The following DOCK5 variants were observed in gnomAD, a reference collection of about 807,000 sequenced individuals.
The protein encoded by DOCK5 is dedicator of cytokinesis protein 5.
A neutral mutation model predicts 251.8 loss-of-function variants in DOCK5; 142 were observed. The ratio of observed to expected loss-of-function variants is 0.56; its 90% CI spans 0.49 to 0.65. The LOEUF (loss-of-function observed/expected upper bound fraction) is 0.65, where lower values mean the gene tolerates loss of function less well. Among genes scored for constraint, DOCK5 ranks in the 30% least tolerant of loss-of-function variants. The pLI, the probability that DOCK5 is intolerant of heterozygous loss-of-function variation, is 0.00. For missense variants in DOCK5, 2,111 were observed against 2,312.3 expected, an observed-to-expected ratio of 0.91 and a Z score of 1.79; for synonymous variants, 842 against 835.5, an observed-to-expected ratio of 1.01 and a Z score of -0.13.
Position 25,215,373 on chromosome 8 carries a change from A to G in DOCK5, c.44-28301A>G, listed in dbSNP as rs534844876. ...GGATGTCTTTTCTCCTCTGTCCTGG[A>G]TCTGTAGAGGCTGGGGAGAGAGAGA... On this transcript the variant is annotated intron_variant, in intron 1 of 51. Transcript: ENST00000276440. 2.0e-5 allele frequency among the ~76,000 whole-genome samples: 3 copies of G among 152,068 alleles called. No homozygotes were observed. In the East Asian group the frequency reaches 5.8e-4, roughly 29 times the overall value.
intron 1 of DOCK5, among the ~76,000 whole-genome samples, chr8:25,220,318 C>T (rs1053306239): frequency 2.0e-5 from 3 of 152,066 alleles, no homozygotes; most frequent in Non-Finnish European, 4.4e-5. Flanking sequence ...TGATTGGATG[C>T]TCTGTGTATG....
intron 3 of DOCK5, among the ~76,000 whole-genome samples, chr8:25,274,084 T>G (rs888215693): frequency 6.6e-6 from 1 of 152,232 alleles, no homozygotes. Context: ...TCTTGCTGTT[T>G]CCTGTTTTAT....
intron 5 of DOCK5, among the ~76,000 whole-genome samples, chr8:25,280,412 G>T (rs1804160431): frequency 6.6e-6 from 1 of 152,138 alleles, no homozygotes; most frequent in Admixed American, 6.5e-5. Flanking sequence ...AGCTAATTTT[G>T]GCATAACTTA....
chr8:25,347,043 A>G (rs1292531281), intron 26 of DOCK5, among the ~76,000 whole-genome samples: 1 of 152,224 alleles, frequency 6.6e-6, no homozygotes, highest in Non-Finnish European at 1.5e-5. Context: ...GTGTTCCCAC[A>G]GAACAGGAAA....
In DOCK5 at chr8:25,408,146, G is replaced by A. The variant is rs1159881324; in HGVS notation, c.5257G>A (p.Asp1753Asn). ...CATTGCAGAGAAAGCACCAGAACCC[G>A]ATTTGATGGTAAAAAACAGAAAAGA... Reference protein sequence around the residue: ...QVIAEKAPEPDLMSPTRKAQR... With the variant: ...QVIAEKAPEPNLMSPTRKAQR... Residue 1753 changes from aspartate to asparagine, a missense_variant, in exon 49 of 52, where the codon GAT (aspartate) becomes AAT (asparagine). Asp to Asn is a conservative substitution (Grantham distance 23). This residue lies in a region of DOCK5 where 1,717 missense variants were observed against 1,892.4 expected (regional missense o/e 0.91). Coordinates refer to ENST00000276440, the MANE Select transcript of DOCK5 (RefSeq NM_024940.8). 4.4e-6 allele frequency: 7 copies of A among 1,582,630 alleles called. No homozygotes were observed. Among genetic ancestry groups the A allele is most frequent in the South Asian group, 2.3e-5 (2 of 86,570 alleles).
intron 1 of DOCK5, among the ~76,000 whole-genome samples, chr8:25,186,396 A>G (rs1801432973): frequency 7.1e-6 from 1 of 140,962 alleles, no homozygotes; most frequent in Admixed American, 7.4e-5. Flanking sequence ...CGGACTGACG[A>G]GGGAGTCTCA....
At position 25,275,441 on chromosome 8, in the gene DOCK5, G is replaced by A; in HGVS notation, c.224G>A (p.Gly75Glu). The change falls in exon 4 of 52, where the codon GGG (glycine) becomes GAG (glutamate). Residue 75 changes from glycine (G) to glutamate (E), a missense_variant and splice_region_variant. Gly to Glu is a moderately conservative substitution (Grantham distance 98, BLOSUM62 -2). Coordinates refer to ENST00000276440, the MANE Select transcript of DOCK5 (RefSeq NM_024940.8). ...HLKEATVEDLGQHETVIPGEL... is the reference protein window; with the variant it reads ...HLKEATVEDLEQHETVIPGEL... Reference sequence around the variant, plus strand: ...AAAGAGGCAACTGTGGAAGACCTGGGGTAAGTTCCAAGCTAGGAAGATTCC... The same window carrying A: ...AAAGAGGCAACTGTGGAAGACCTGGAGTAAGTTCCAAGCTAGGAAGATTCC... 1 of 1,609,284 alleles carries A rather than the reference G, an allele frequency of 6.2e-7. No individual in the cohort carries two copies. The highest frequency in any genetic ancestry group is 8.5e-7 in the Non-Finnish European group (1 of 1,178,212).
chr8:25,210,033 T>A (rs1877082), intron 1 of DOCK5, among the ~76,000 whole-genome samples: 12,916 of 22,858 alleles, frequency 0.57, 5,266 homozygotes, highest in Admixed American at 0.67. Context: ...TATATATATA[T>A]AAATGTGTGT....
At chr8:25,323,807 G>A (rs760187106) in intron 16 of DOCK5, 41 bp from the exon 17 acceptor site, 2 of 1,593,948 alleles carry the variant, frequency 1.3e-6, no homozygotes, top group Middle Eastern at 1.7e-4. Flanking sequence ...GCCTCCTGGT[G>A]TCTCTCTGCA....
intron 28 of DOCK5, among the ~76,000 whole-genome samples, chr8:25,362,627 C>T (rs147717966): frequency 0.011 from 1,597 of 151,778 alleles, 30 homozygotes; most frequent in African/African-American, 0.036. Context: ...CCACCATGCC[C>T]GGCAAATTTT....
At chr8:25,355,163 A>G (rs1800545233) in intron 27 of DOCK5, among the ~76,000 whole-genome samples, 1 of 152,098 alleles carries the variant, frequency 6.6e-6, no homozygotes, top group Non-Finnish European at 1.5e-5. Flanking sequence ...GAACTCAGGA[A>G]ATTGAGGCTG....
chr8:25,405,800 T>C (rs963655464), intron 48 of DOCK5, among the ~76,000 whole-genome samples: 1 of 152,166 alleles, frequency 6.6e-6, no homozygotes, highest in African/African-American at 2.4e-5. Context: ...AAAGGAGTTA[T>C]AGTTGTGTTC....
intron 33 of DOCK5, 55 bp from the exon 34 acceptor site, chr8:25,369,501 A>T: frequency 6.6e-7 from 1 of 1,518,686 alleles, no homozygotes; most frequent in Non-Finnish European, 9.0e-7. Flanking sequence ...AAAGTTGGCC[A>T]TGTCTTCTTC....
At chr8:25,207,059 G>A (rs936910323) in intron 1 of DOCK5, among the ~76,000 whole-genome samples, 1 of 152,108 alleles carries the variant, frequency 6.6e-6, no homozygotes, top group African/African-American at 2.4e-5. Flanking sequence ...TTGCAATACC[G>A]TGGCATCACT....
intron 1 of DOCK5, among the ~76,000 whole-genome samples, chr8:25,204,791 T>C (rs2117467883): frequency 6.6e-6 from 1 of 152,344 alleles, no homozygotes; most frequent in Admixed American, 6.5e-5. Flanking sequence ...GCTGAACTTG[T>C]GATCTTTTTC....
At chr8:25,197,975 C>T (rs1019343687) in intron 1 of DOCK5, among the ~76,000 whole-genome samples, 4 of 152,128 alleles carry the variant, frequency 2.6e-5, no homozygotes, top group Non-Finnish European at 5.9e-5. Context: ...TGGTCTCGAT[C>T]TCCTGACGTC....
intron 13 of DOCK5, 79 bp from the exon 14 acceptor site, chr8:25,316,928 A>G: frequency 6.4e-7 from 1 of 1,558,122 alleles, no homozygotes. Context: ...TGTTGTCTTT[A>G]CCTTTTATGT....
chr8:25,242,367 A>G (rs1260389038), intron 1 of DOCK5, among the ~76,000 whole-genome samples: 1 of 152,078 alleles, frequency 6.6e-6, no homozygotes, highest in African/African-American at 2.4e-5. Flanking sequence ...TGGTAAATTT[A>G]TGTTTAACTT....
chr8:25,397,146 C>T (rs1270816874), intron 45 of DOCK5, among the ~76,000 whole-genome samples: 2 of 151,656 alleles, frequency 1.3e-5, no homozygotes, highest in Non-Finnish European at 1.5e-5. Flanking sequence ...TGCTTGAACC[C>T]GGGAGGTGGA....
Sources: allele counts gnomAD v4.1 joint callset (sites outside exome capture counted in the v4.1 genomes callset), GRCh38; gene constraint gnomAD v4.1.1; regional missense constraint gnomAD v4.1.1; transcripts MANE v1.5; gene names NCBI Gene and HGNC (gene_info 2026-07-23, HGNC 2026-07-21).